LRRC9: variants seen among roughly 807,000 people sequenced by gnomAD.
The protein encoded by LRRC9 is leucine rich repeat containing 9.
Under a neutral mutation model 63.2 loss-of-function variants are expected in LRRC9, and 122 were observed. That is an observed-to-expected ratio of 1.93 (90% CI 1.67 to 2.24). LRRC9 has a LOEUF of 2.24. Among genes scored for constraint, LRRC9 ranks in the 30% most tolerant of loss-of-function variants. The pLI, the probability that LRRC9 is intolerant of heterozygous loss-of-function variation, is 0.00. For missense variants in LRRC9, 1,071 were observed against 627.7 expected, an observed-to-expected ratio of 1.71 and a Z score of -7.55; for synonymous variants, 366 against 213.1, an observed-to-expected ratio of 1.72 and a Z score of -6.25.
chr14:59,997,693 T>C, exon 18 of LRRC9: 1 of 702,064 alleles, frequency 1.4e-6, no homozygotes, highest in South Asian at 1.5e-5. Context: ...CATAACCATG[T>C]GATAACCCTT....
In LRRC9 at chr14:60,051,545, T is replaced by C. The variant is rs765760509; in HGVS notation, c.3991-1520T>C. Among the ~76,000 whole-genome samples, 6 of 152,114 alleles carry C rather than the reference T, an allele frequency of 3.9e-5. No individual in the cohort carries two copies. The highest frequency in any genetic ancestry group is 7.4e-5 in the Non-Finnish European group (5 of 68,012). ...TCCTTCCCCCAGGAACTGCCTCTGG[T>C]TTCAGGCAGACTCAGCCTATTGCCC... is the stretch of plus-strand genomic sequence containing the variant. On this transcript the variant is annotated intron_variant, in intron 29 of 31. Transcript: ENST00000445360. This position sits in a 1 kb window ranked among gnomAD's most constrained non-coding sequence, Gnocchi z 4.7.
At chr14:59,984,199 T>A (rs1234632654) in intron 16 of LRRC9, among the ~76,000 whole-genome samples, 2 of 152,232 alleles carry the variant, frequency 1.3e-5, no homozygotes, top group Non-Finnish European at 2.9e-5. Context: ...ATGATACCCA[T>A]ATGTGACTTG....
In LRRC9 at chr14:60,003,267, C is replaced by G. The variant is rs2140215891; in HGVS notation, c.2665-354C>G. Among the ~76,000 whole-genome samples the G allele has an allele frequency of 6.6e-6, 1 of 152,294 alleles. No homozygotes were observed. Among genetic ancestry groups the G allele is most frequent in the Middle Eastern group, 3.4e-3 (1 of 294 alleles). ...CTTCCATCACTGGCTGAGGGCCAACCTGGGAAGGAGAGTGACCTTGGCAGC... is the reference window on the plus strand; with the variant it reads ...CTTCCATCACTGGCTGAGGGCCAACGTGGGAAGGAGAGTGACCTTGGCAGC... On this transcript the variant is annotated intron_variant, in intron 20 of 31. Coordinates refer to ENST00000445360, the Ensembl canonical transcript of LRRC9. The surrounding 1 kb of genome is among the most constrained non-coding windows in gnomAD (Gnocchi z 4.2).
chr14:59,993,336 G>T (rs1164116696), intron 17 of LRRC9, among the ~76,000 whole-genome samples: 1 of 152,062 alleles, frequency 6.6e-6, no homozygotes, highest in Non-Finnish European at 1.5e-5. Context: ...AGGAACAACC[G>T]GTACCAGCCA....
In LRRC9 at chr14:60,058,513, G is replaced by C. The variant is rs988306774; in HGVS notation, c.4276+491G>C. 6.6e-6 allele frequency among the ~76,000 whole-genome samples: 1 copy of C among 152,130 alleles called. No homozygotes were observed. The highest frequency in any genetic ancestry group is 6.5e-5 in the Admixed American group (1 of 15,272). On this transcript the variant is annotated intron_variant, in intron 31 of 31. Transcript: ENST00000445360. This position sits in a 1 kb window ranked among gnomAD's most constrained non-coding sequence, Gnocchi z 4.4. ...TTCATGAAGCAAATACTAGAGAAGG[G>C]CTTCAAGAGGTAGAGTTTTAAAAGA...
intron 8 of LRRC9, among the ~76,000 whole-genome samples, chr14:59,948,419 G>A (rs1403201777): frequency 7.2e-6 from 1 of 138,000 alleles, no homozygotes; most frequent in Non-Finnish European, 1.5e-5. Context: ...CTGAGACGAT[G>A]GGGTTTTCTA....
rs1183199640 is a variant in LRRC9 at position 59,962,391 on chromosome 14, T to G, written c.1211+1346T>G. Among the ~76,000 whole-genome samples the G allele has an allele frequency of 6.6e-6, 1 of 152,104 alleles. No homozygotes were observed. Among genetic ancestry groups the G allele is most frequent in the Non-Finnish European group, 1.5e-5 (1 of 68,024 alleles). ...GTCTCTACTGGGTGCACATTTATAT[T>G]CACTCAACCTAAACAGGATTTTTTT... is the stretch of plus-strand genomic sequence containing the variant. On this transcript the variant is annotated intron_variant, in intron 10 of 31. Transcript: ENST00000445360. The surrounding 1 kb of genome is among the most constrained non-coding windows in gnomAD (Gnocchi z 5.1).
At chr14:60,056,066 CT>C (rs1283065939) in intron 30 of LRRC9, among the ~76,000 whole-genome samples, 1 of 152,170 alleles carries the variant, frequency 6.6e-6, no homozygotes, top group African/African-American at 2.4e-5. Flanking sequence ...TCCATGATCA[CT>C]TCCCCTTCTC....
rs1890163208 is a variant in LRRC9, at chr14:59,936,675, G to A, written c.544-1715G>A. ...GCAGAATTTGACCAAATAATTCTCT[G>A]CACAGCTCTGTCCATAAATCTTCCT... On this transcript the variant is annotated intron_variant, in intron 6 of 31. Transcript: ENST00000445360. The surrounding 1 kb of genome is among the most constrained non-coding windows in gnomAD (Gnocchi z 4.2). Among the ~76,000 whole-genome samples the A allele has an allele frequency of 6.6e-6, 1 of 152,118 alleles. No homozygotes were observed. Among genetic ancestry groups the A allele is most frequent in the Non-Finnish European group, 1.5e-5 (1 of 68,018 alleles).
intron 16 of LRRC9, among the ~76,000 whole-genome samples, chr14:59,983,517 T>G (rs1887154413): frequency 6.6e-6 from 1 of 152,044 alleles, no homozygotes; most frequent in Non-Finnish European, 1.5e-5. Context: ...TAGAAAGAGG[T>G]GAGCTTTGAG....
intron 8 of LRRC9, among the ~76,000 whole-genome samples, chr14:59,947,954 T>C (rs1425352549): frequency 6.6e-6 from 1 of 152,044 alleles, no homozygotes; most frequent in Non-Finnish European, 1.5e-5. Flanking sequence ...TGCCTCCAGC[T>C]TTGTTCTTTT....
At chr14:60,044,539 A>AAAT in intron 29 of LRRC9, among the ~76,000 whole-genome samples, 1 of 152,020 alleles carries the variant, frequency 6.6e-6, no homozygotes, top group South Asian at 2.1e-4. Flanking sequence ...TCCCTTCTTC[A>AAAT]TTGACCCACT....
chr14:59,945,079 T>C (rs1395413815), intron 8 of LRRC9, among the ~76,000 whole-genome samples: 1 of 151,892 alleles, frequency 6.6e-6, no homozygotes, highest in Non-Finnish European at 1.5e-5. Context: ...TTATTAGACT[T>C]ATTCAGCTGT....
chr14:59,999,267 C>T (rs985441215), intron 19 of LRRC9, 41 bp downstream of exon 19: 1 of 666,508 alleles, frequency 1.5e-6, no homozygotes, highest in African/African-American at 1.8e-5. Context: ...CTATTTAGAA[C>T]ATACAGATAA....
At chr14:59,974,643 A>G (rs948711326) in exon 13 of LRRC9, 1 of 692,956 alleles carries the variant, frequency 1.4e-6, no homozygotes, top group Non-Finnish European at 2.6e-6. Context: ...CCCAGAATTG[A>G]ATTTTTACAG....
intron 8 of LRRC9, among the ~76,000 whole-genome samples, chr14:59,955,044 C>T (rs1883585562): frequency 6.6e-6 from 1 of 152,160 alleles, no homozygotes; most frequent in African/African-American, 2.4e-5. Flanking sequence ...ATTTGGTTTG[C>T]CAGTATTTTA....
intron 9 of LRRC9, 129 bp downstream of exon 9, chr14:59,960,143 A>C: frequency 3.9e-6 from 2 of 518,436 alleles, no homozygotes; most frequent in Non-Finnish European, 6.8e-6. Context: ...AAAGCATGAA[A>C]TATATTCTTA....
chr14:60,009,751 T>C (rs1191597964), intron 23 of LRRC9, among the ~76,000 whole-genome samples: 6 of 152,200 alleles, frequency 3.9e-5, no homozygotes, highest in South Asian at 2.1e-4. Context: ...GCAAGTTAGT[T>C]ACTTCCTAGA....
At chr14:59,982,042 C>T (rs1008695986) in exon 16 of LRRC9, 1 of 701,096 alleles carries the variant, frequency 1.4e-6, no homozygotes, top group Non-Finnish European at 2.6e-6. Flanking sequence ...CAAAGACTAG[C>T]GTTTACAGTC....
Sources: gnomAD v4.1 joint callset for allele counts (sites outside exome capture counted in the v4.1 genomes callset) on GRCh38, gnomAD v4.1.1 for gene constraint, Gnocchi (gnomAD v3.1) non-coding constraint, MANE v1.5 for transcripts, NCBI Gene and HGNC (gene_info 2026-07-23, HGNC 2026-07-21) for gene names.